The following NBN variants were observed in gnomAD, a reference collection of about 807,000 sequenced individuals.
NBN encodes Nijmegen breakage syndrome 1 (nibrin).
Under a neutral mutation model 90.8 loss-of-function variants are expected in NBN, and 88 were observed. The observed-to-expected ratio is 0.97, with a 90% CI of 0.82 to 1.16. The LOEUF (loss-of-function observed/expected upper bound fraction) is 1.16, where lower values mean the gene tolerates loss of function less well. Ranked by LOEUF, NBN falls within the 50% of genes most tolerant of loss-of-function variation. The probability of loss-of-function intolerance (pLI) is 0.00; values close to 1 mark genes in which losing one functional copy is unlikely to be tolerated. For missense variants in NBN, 894 were observed against 869.6 expected (o/e 1.03, Z -0.35); for synonymous variants, 328 against 295.1 (o/e 1.11, Z -1.14).
intron 11 of NBN, 54 bp downstream of exon 11, chr8:89,953,190 T>C (rs998884449): frequency 2.3e-6 from 3 of 1,302,238 alleles, no homozygotes; most frequent in South Asian, 2.4e-5. Flanking sequence ...CGAAAGTACC[T>C]GTTAGCATTC....
At chr8:89,971,000 TA>T (rs1378886161) in intron 6 of NBN, among the ~76,000 whole-genome samples, 172 bp downstream of exon 6, 1 of 152,338 alleles carries the variant, frequency 6.6e-6, no homozygotes, top group African/African-American at 2.4e-5. Context: ...AGAAACCCCG[TA>T]ATCACAGCCA....
chr8:89,979,695 T>C (rs895535785), intron 4 of NBN, among the ~76,000 whole-genome samples: 3 of 152,170 alleles, frequency 2.0e-5, no homozygotes, highest in African/African-American at 4.8e-5. Context: ...TTTTGGCATA[T>C]GAATGACCAG....
rs2129787557 is a variant in NBN at position 89,964,521 on chromosome 8, A to G, written c.897-14T>C. 6.3e-7 allele frequency: 1 copy of G among 1,575,488 alleles called. No homozygotes were observed. Among genetic ancestry groups the G allele is most frequent in the Admixed American group, 1.7e-5 (1 of 59,952 alleles). ...CTAAGACCTTGCCTATTAGAATAAA[A>G]TAGTTTAAGTATGATAATATATTAA... On this transcript the variant is annotated splice_polypyrimidine_tract_variant and intron_variant, in intron 7 of 15. Coordinates refer to ENST00000265433, the MANE Select transcript of NBN (RefSeq NM_002485.5).
intron 7 of NBN, among the ~76,000 whole-genome samples, chr8:89,966,705 T>TA (rs201215469): frequency 0.017 from 2,517 of 151,898 alleles, 27 homozygotes; most frequent in Middle Eastern, 0.034. Context: ...AATGAAAAAA[T>TA]AAAGGGCCAA....
chr8:89,939,743 T>C (rs905088066), intron 14 of NBN, among the ~76,000 whole-genome samples: 4 of 152,198 alleles, frequency 2.6e-5, no homozygotes, highest in Non-Finnish European at 5.9e-5. Flanking sequence ...GCCAGTGGGC[T>C]GCTGGGAAGG....
At chr8:89,955,657 A>C in intron 9 of NBN, 102 bp from the exon 10 acceptor site, 2 of 1,322,800 alleles carry the variant, frequency 1.5e-6, no homozygotes, top group South Asian at 2.7e-5. Context: ...ATAACCTTAG[A>C]AGATAATTTT....
intron 5 of NBN, among the ~76,000 whole-genome samples, chr8:89,973,719 A>G (rs1811617184): frequency 6.6e-6 from 1 of 152,228 alleles, no homozygotes; most frequent in Non-Finnish European, 1.5e-5. Context: ...GAAGTTTTAA[A>G]GCATTTCTGA....
intron 7 of NBN, among the ~76,000 whole-genome samples, chr8:89,965,190 T>C (rs1811191275): frequency 6.6e-6 from 1 of 151,414 alleles, no homozygotes; most frequent in Non-Finnish European, 1.5e-5. Context: ...AAGATGAAAC[T>C]TCAAAGAGAA....
At chr8:89,980,100 A>C (rs13312860) in intron 4 of NBN, among the ~76,000 whole-genome samples, 2 of 152,214 alleles carry the variant, frequency 1.3e-5, no homozygotes, top group South Asian at 4.1e-4. Flanking sequence ...ATGTGCAAAA[A>C]TAAAAAAACC....
At chr8:89,945,634 A>T (rs1810152114) in intron 13 of NBN, among the ~76,000 whole-genome samples, 2 of 152,200 alleles carry the variant, frequency 1.3e-5, no homozygotes, top group Admixed American at 1.3e-4. Context: ...GTCTTTTTTT[A>T]ACCATTACTG....
In NBN at chr8:89,953,526, G is replaced by A. The variant is rs765959451; in HGVS notation, c.1563C>T (p.Asn521=). The change falls in exon 11 of 16, where the codon AAC becomes AAT. Residue 521 remains asparagine (N), a synonymous_variant. Transcript: ENST00000265433. ...NEPVDTNSDN[N]LFTDTDLKSI... ...ATTTTAAATCTGTATCTGTAAATAA[G>A]TTATTGTCTGAGTTTGTGTCCACAG... 12 of 1,613,684 alleles carry A rather than the reference G, an allele frequency of 7.4e-6. No homozygotes were observed. The highest frequency in any genetic ancestry group is 1.0e-5 in the Non-Finnish European group (12 of 1,179,796).
Position 89,958,840 on chromosome 8 carries a change from T to C in NBN, c.1009A>G (p.Thr337Ala), listed in dbSNP as rs1554560492. The C allele has an allele frequency of 6.2e-7, 1 of 1,613,530 alleles. No individual in the cohort carries two copies. Among genetic ancestry groups the C allele is most frequent in the African/African-American group, 1.3e-5 (1 of 74,870 alleles). Residue 337 changes from threonine (T) to alanine (A), a missense_variant, in exon 9 of 16, where the codon ACT (threonine) becomes GCT (alanine). Thr to Ala is a moderately conservative substitution (Grantham distance 58). Coordinates refer to ENST00000265433, the MANE Select transcript of NBN (RefSeq NM_002485.5). Reference protein sequence around the residue: ...GHPSTGLKTTTPGPSLSQGVS... With the variant: ...GHPSTGLKTTAPGPSLSQGVS... ...CCTTGTGAAAGGCTTGGTCCTGGAGTTGTTGTCTTTAATCCTGTAAATCAC... is the reference window on the plus strand; with the variant it reads ...CCTTGTGAAAGGCTTGGTCCTGGAGCTGTTGTCTTTAATCCTGTAAATCAC...
chr8:89,981,302 G>T, intron 3 of NBN, 73 bp downstream of exon 3: 2 of 1,457,836 alleles, frequency 1.4e-6, no homozygotes, highest in Non-Finnish European at 1.9e-6. Flanking sequence ...TCATTAATCA[G>T]AAATATCATT....
At chr8:89,979,708 A>AT (rs558324950) in intron 4 of NBN, among the ~76,000 whole-genome samples, 1 of 152,038 alleles carries the variant, frequency 6.6e-6, no homozygotes, top group African/African-American at 2.4e-5. Context: ...ATGACCAGGA[A>AT]TTTTTTTTAA....
intron 9 of NBN, 109 bp from the exon 10 acceptor site, chr8:89,955,664 T>C: frequency 8.0e-7 from 1 of 1,249,756 alleles, no homozygotes; most frequent in South Asian, 1.4e-5. Context: ...TAGAAGATAA[T>C]TTTTAGACAA....
chr8:89,955,788 T>C (rs150283005), intron 9 of NBN, among the ~76,000 whole-genome samples: 14 of 152,196 alleles, frequency 9.2e-5, no homozygotes, highest in African/African-American at 3.4e-4. Context: ...ATATTGTTGC[T>C]CCACTATAGA....
intron 5 of NBN, among the ~76,000 whole-genome samples, chr8:89,972,661 T>A (rs1282410068): frequency 2.0e-5 from 3 of 152,210 alleles, no homozygotes; most frequent in African/African-American, 7.2e-5. Flanking sequence ...TATTCCCCCA[T>A]AACTTATACT....
intron 5 of NBN, among the ~76,000 whole-genome samples, chr8:89,972,758 C>T (rs962495279): frequency 6.6e-6 from 1 of 152,140 alleles, no homozygotes; most frequent in East Asian, 1.9e-4. Context: ...TGTAACAACA[C>T]TAGGACAGAT....
intron 11 of NBN, among the ~76,000 whole-genome samples, chr8:89,950,398 T>C (rs532697347): frequency 6.6e-6 from 1 of 152,356 alleles, no homozygotes; most frequent in South Asian, 2.1e-4. Context: ...GTTGTTATAT[T>C]GCATTGTTTA....
Sources: allele counts gnomAD v4.1 joint callset (sites outside exome capture counted in the v4.1 genomes callset), GRCh38; gene constraint gnomAD v4.1.1; transcripts MANE v1.5; gene names NCBI Gene and HGNC (gene_info 2026-07-23, HGNC 2026-07-21).